MYOM1: variants seen among roughly 807,000 people sequenced by gnomAD.
MYOM1 encodes the protein myomesin-1.
MYOM1 carries 164 observed loss-of-function variants against 205.3 expected under a neutral mutation model. The observed-to-expected ratio is 0.80, with a 90% CI of 0.70 to 0.91. MYOM1 has a LOEUF of 0.91. Ranked by LOEUF, MYOM1 falls within the 40% of genes least tolerant of loss-of-function variation. The pLI is 0.00. For missense variants in MYOM1, 2,011 were observed against 2,127.3 expected, an observed-to-expected ratio of 0.95 and a Z score of 1.08; for synonymous variants, 772 against 789.4, an observed-to-expected ratio of 0.98 and a Z score of 0.37.
chr18:3,216,321 C>T lies in MYOM1; in HGVS notation c.-28-1070G>A, dbSNP rs2081266608. On this transcript the variant is annotated intron_variant, in intron 1 of 37. Transcript: ENST00000356443. ...GTGGTAAACAAAACAGACAAAATGC[C>T]TGCTCTAATTACCTTGTACAGAACT... Among the ~76,000 whole-genome samples the T allele has an allele frequency of 5.3e-5, 8 of 152,274 alleles. No individual in the cohort carries two copies. The South Asian group carries it at 1.7e-3, about 32-fold the overall frequency.
intron 9 of MYOM1, among the ~76,000 whole-genome samples, chr18:3,168,017 A>G (rs1209402678): frequency 6.6e-6 from 1 of 152,154 alleles, no homozygotes; most frequent in African/African-American, 2.4e-5. Flanking sequence ...CATTTTATCT[A>G]TTTTTGTGTC....
intron 2 of MYOM1, among the ~76,000 whole-genome samples, chr18:3,213,303 T>C (rs2081213798): frequency 6.6e-6 from 1 of 152,198 alleles, no homozygotes; most frequent in African/African-American, 2.4e-5. Flanking sequence ...GTATGTTATG[T>C]TTATAGCAAA....
At chr18:3,128,757 A>T (rs1458145871) in intron 18 of MYOM1, among the ~76,000 whole-genome samples, 7 of 152,154 alleles carry the variant, frequency 4.6e-5, no homozygotes, top group African/African-American at 1.4e-4. Flanking sequence ...ATTTAAATTA[A>T]ATGTGAATAA....
intron 20 of MYOM1, 58 bp from the exon 21 acceptor site, chr18:3,116,573 C>T (rs1011382123): frequency 8.4e-6 from 12 of 1,423,514 alleles, no homozygotes; most frequent in South Asian, 3.1e-5. Flanking sequence ...CGTCTCCACA[C>T]GTTTAGAACC....
At chr18:3,110,419 C>G (rs2079509360) in intron 22 of MYOM1, among the ~76,000 whole-genome samples, 1 of 152,210 alleles carries the variant, frequency 6.6e-6, no homozygotes, top group Non-Finnish European at 1.5e-5. Context: ...CCCCAGCTCA[C>G]CCATCATAAC....
rs1555620545 is a variant in MYOM1 at position 3,127,305 on chromosome 18, A to ATTTTT, written c.2795-413_2795-409dup. On this transcript the variant is annotated intron_variant, in intron 18 of 37. Coordinates refer to ENST00000356443, the MANE Select transcript of MYOM1 (RefSeq NM_003803.4). ...TCCATATATATATATATATATATAT[A>ATTTTT]TTTTTTTTTTTTTTTTTTTTGAGCT... 5.7e-3 allele frequency among the ~76,000 whole-genome samples: 269 copies of ATTTTT among 47,570 alleles called. 6 individuals carry two copies. The highest frequency in any genetic ancestry group is 7.1e-3 in the East Asian group (11 of 1,560). 31.2% of individuals were successfully genotyped at this position (47,570 alleles called of 152,430 possible). A position where few individuals can be genotyped will look rare whatever the true frequency, so the allele number is the denominator to read the frequency against.
the MYOM1 span, among the ~76,000 whole-genome samples, chr18:3,233,846 G>A: frequency 1.1e-4 from 17 of 152,144 alleles, no homozygotes; most frequent in Non-Finnish European, 2.2e-4. Context: ...CTCTTTTTCC[G>A]GGAAGAATAA....
Position 3,187,544 on chromosome 18 carries a change from A to C in MYOM1, c.865T>G (p.Trp289Gly). Residue 289 changes from tryptophan to glycine, a missense_variant, in exon 5 of 38, where the codon TGG (tryptophan) becomes GGG (glycine). Coordinates refer to ENST00000356443, the MANE Select transcript of MYOM1 (RefSeq NM_003803.4). ...TGCAATTTTACATTCTCCTTCTCCC[A>C]AACCGTGTGGGAGCGAGGTTTAATG... ...FIIKPRSHTV[W>G]EKENVKLHCS... The C allele has an allele frequency of 6.2e-7, 1 of 1,613,912 alleles. No individual in the cohort carries two copies. The highest frequency in any genetic ancestry group is 8.5e-7 in the Non-Finnish European group (1 of 1,179,842).
At chr18:3,145,546 A>G (rs1320242549) in intron 13 of MYOM1, among the ~76,000 whole-genome samples, 1 of 152,204 alleles carries the variant, frequency 6.6e-6, no homozygotes, top group Non-Finnish European at 1.5e-5. Flanking sequence ...CATGTATCAA[A>G]GAAGGTATCA....
intron 3 of MYOM1, among the ~76,000 whole-genome samples, chr18:3,192,658 A>G (rs1006273036): frequency 6.6e-6 from 1 of 152,222 alleles, no homozygotes; most frequent in African/African-American, 2.4e-5. Flanking sequence ...AATAAATAGG[A>G]GATGAACCAG....
In MYOM1 at chr18:3,067,160, C is replaced by A; in HGVS notation, c.*102G>T. Reference sequence around the variant, plus strand: ...ACCTGACATTATTTTCCCCTCAAGCCAGAAAATAATAGGGAGGAGAAAGCA... The same window carrying A: ...ACCTGACATTATTTTCCCCTCAAGCAAGAAAATAATAGGGAGGAGAAAGCA... On this transcript the variant is annotated 3_prime_UTR_variant, in exon 38 of 38. Transcript: ENST00000356443. 2 of 1,296,260 alleles carry A rather than the reference C, an allele frequency of 1.5e-6. No homozygotes were observed. The highest frequency in any genetic ancestry group is 2.1e-6 in the Non-Finnish European group (2 of 958,272). 80.3% of individuals were successfully genotyped at this position (1,296,260 alleles called of 1,614,324 possible). A position where few individuals can be genotyped will look rare whatever the true frequency, so the allele number is the denominator to read the frequency against.
At chr18:3,238,870 C>A in the MYOM1 span, among the ~76,000 whole-genome samples, 1 of 152,196 alleles carries the variant, frequency 6.6e-6, no homozygotes, top group African/African-American at 2.4e-5. Flanking sequence ...AACATTGTAT[C>A]TCTTTGACCC....
Position 3,187,671 on chromosome 18 carries a change from C to T in MYOM1, c.772-34G>A, listed in dbSNP as rs199526994. 7.2e-4 allele frequency: 1,099 copies of T among 1,525,918 alleles called. 1 individual carries two copies. Among genetic ancestry groups the T allele is most frequent in the Middle Eastern group, 8.8e-4 (5 of 5,708 alleles). The allele number at this position is 1,525,918 out of a possible 1,614,324, so 94.5% of individuals were successfully genotyped here. On this transcript the variant is annotated intron_variant, in intron 4 of 37. Transcript: ENST00000356443. ...ACAAATATGCAAACAAACATATTAC[C>T]AAAATACCAATAAATCAAAGTGAAT...
intron 11 of MYOM1, among the ~76,000 whole-genome samples, chr18:3,154,536 G>A (rs894225678): frequency 1.3e-5 from 2 of 151,742 alleles, no homozygotes; most frequent in African/African-American, 4.8e-5. Flanking sequence ...GTCTGCTGGG[G>A]AGTGACCCAC....
intron 19 of MYOM1, among the ~76,000 whole-genome samples, chr18:3,124,782 A>G (rs2079755328): frequency 6.6e-6 from 1 of 152,200 alleles, no homozygotes; most frequent in Non-Finnish European, 1.5e-5. Context: ...GTAATCAACT[A>G]CAGTACCTCC....
intron 37 of MYOM1, among the ~76,000 whole-genome samples, chr18:3,069,176 C>T (rs971736484): frequency 6.6e-6 from 1 of 152,162 alleles, no homozygotes; most frequent in African/African-American, 2.4e-5. Flanking sequence ...GATTCGGTTT[C>T]TCCACAGCCT....
intron 30 of MYOM1, 81 bp from the exon 31 acceptor site, chr18:3,085,213 T>G (rs548683842): frequency 6.7e-5 from 46 of 688,854 alleles, no homozygotes; most frequent in South Asian, 3.2e-4. Flanking sequence ...TTCTTCTGCT[T>G]CTTCTGCTGC....
intron 22 of MYOM1, among the ~76,000 whole-genome samples, chr18:3,106,879 T>C (rs1379149476): frequency 6.6e-6 from 1 of 152,086 alleles, no homozygotes; most frequent in Non-Finnish European, 1.5e-5. Flanking sequence ...GAGGTAAGGA[T>C]TAGCTGTAAT....
At chr18:3,243,037 ATTT>A in the MYOM1 span, among the ~76,000 whole-genome samples, 1 of 152,086 alleles carries the variant, frequency 6.6e-6, no homozygotes, top group African/African-American at 2.4e-5. Context: ...ATTTCACATA[ATTT>A]TTTATCTCAT....
Sources: allele counts gnomAD v4.1 joint callset (sites outside exome capture counted in the v4.1 genomes callset), GRCh38; gene constraint gnomAD v4.1.1; transcripts MANE v1.5; gene names NCBI Gene and HGNC (gene_info 2026-07-23, HGNC 2026-07-21).